Variants in UPF2 observed in about 807,000 individuals in gnomAD.
UPF2 encodes UPF2 regulator of nonsense mediated mRNA decay.
Under a neutral mutation model 141.4 loss-of-function variants are expected in UPF2, and 17 were observed. The observed-to-expected ratio is 0.12, with a 90% confidence interval of 0.08 to 0.18. The LOEUF (loss-of-function observed/expected upper bound fraction) is 0.18. UPF2 is among the 10% of genes least tolerant of loss of function. The pLI is 1.00. For missense variants in UPF2, 1,152 were observed against 1,515.9 expected, an observed-to-expected ratio of 0.76 and a Z score of 3.99; for synonymous variants, 540 against 498.0, an observed-to-expected ratio of 1.08 and a Z score of -1.12.
chr10:12,026,446 A>C (rs72777744), intron 3 of UPF2, among the ~76,000 whole-genome samples: 13,397 of 152,220 alleles, frequency 0.088, 778 homozygotes, highest in South Asian at 0.13. Flanking sequence ...GGAGGTATTT[A>C]ACATGGAGAC....
At chr10:11,952,950 T>C (rs1833096987) in intron 14 of UPF2, among the ~76,000 whole-genome samples, 1 of 152,236 alleles carries the variant, frequency 6.6e-6, no homozygotes, top group Non-Finnish European at 1.5e-5. Context: ...ATTTTCTCTG[T>C]GCTACTTGCT....
chr10:12,014,312 C>G lies in UPF2; in HGVS notation c.1146-128G>C, dbSNP rs1490747710. The stretch of plus-strand genomic sequence containing the variant: ...TAGTAAAATCTTCATTTTTATTTAA[C>G]ATTTGAATCTAGTATTTTCAAAATG... On this transcript the variant is annotated intron_variant, in intron 3 of 21. Transcript: ENST00000357604. This position sits in a 1 kb window ranked among gnomAD's most constrained non-coding sequence, Gnocchi z 5.0. 6.5e-6 allele frequency: 6 copies of G among 919,070 alleles called. No homozygotes were observed. Among genetic ancestry groups the G allele is most frequent in the Non-Finnish European group, 5.7e-6 (4 of 697,042 alleles). 56.9% of individuals were successfully genotyped at this position (919,070 alleles called of 1,614,324 possible).
chr10:11,978,170 G>C (rs1441100660), intron 9 of UPF2, among the ~76,000 whole-genome samples: 2 of 152,204 alleles, frequency 1.3e-5, no homozygotes, highest in Non-Finnish European at 2.9e-5. Flanking sequence ...CCTCAGAATT[G>C]TGTCTGTTCT....
intron 8 of UPF2, among the ~76,000 whole-genome samples, chr10:11,989,475 T>C (rs1266184777): frequency 6.6e-6 from 1 of 152,170 alleles, no homozygotes; most frequent in African/African-American, 2.4e-5. Flanking sequence ...TGAATAGAAA[T>C]GTAAAGAGTA....
In UPF2 at chr10:12,016,343, TG is replaced by T. The variant is rs1463674532; in HGVS notation, c.1146-2160del. On this transcript the variant is annotated intron_variant, in intron 3 of 21. Coordinates refer to ENST00000357604, the MANE Select transcript of UPF2 (RefSeq NM_015542.4). This position sits in a 1 kb window ranked among gnomAD's most constrained non-coding sequence, Gnocchi z 4.1. ...ACTCCCAAAATGTTGGGATTACAGGTGTGAGCCACCACACTCGGCCAAAATT... is the reference window on the plus strand; with the variant it reads ...ACTCCCAAAATGTTGGGATTACAGGTTGAGCCACCACACTCGGCCAAAATT... 6.6e-6 allele frequency among the ~76,000 whole-genome samples: 1 copy of T among 152,050 alleles called. No homozygotes were observed. The highest frequency in any genetic ancestry group is 1.5e-5 in the Non-Finnish European group (1 of 68,000).
rs140320329 is a variant in UPF2, at chr10:12,038,773, T to G, written c.-18-3332A>C. ...ACAACAACAACAAAAGAAAAAGCAT[T>G]TCTATGCCAAGACAACATTAGCATT... On this transcript the variant is annotated intron_variant, in intron 1 of 21. Transcript: ENST00000357604. Among the ~76,000 whole-genome samples the G allele has an allele frequency of 3.8e-3, 579 of 152,014 alleles. 5 individuals are homozygous for G. The highest frequency in any genetic ancestry group is 0.013 in the African/African-American group (537 of 41,486).
At chr10:11,985,923 C>T (rs1279116115) in intron 8 of UPF2, among the ~76,000 whole-genome samples, 1 of 96,392 alleles carries the variant, frequency 1.0e-5, no homozygotes, top group Non-Finnish European at 1.8e-5. Context: ...CTCGCTGTGT[C>T]GCCCAGGCTG....
chr10:11,947,762 T>C (rs1183199344), intron 16 of UPF2, among the ~76,000 whole-genome samples: 1 of 127,818 alleles, frequency 7.8e-6, no homozygotes, highest in African/African-American at 3.0e-5. Flanking sequence ...ACTCCAGCCT[T>C]GGCAACAGAG....
At chr10:12,036,052 CT>C (rs1314432716) in intron 1 of UPF2, among the ~76,000 whole-genome samples, 1 of 152,202 alleles carries the variant, frequency 6.6e-6, no homozygotes, top group African/African-American at 2.4e-5. Flanking sequence ...AGACTTTTAA[CT>C]TCTTCATCTG....
At chr10:11,989,704 G>C (rs1449520111) in intron 8 of UPF2, among the ~76,000 whole-genome samples, 2 of 152,190 alleles carry the variant, frequency 1.3e-5, no homozygotes, top group Admixed American at 6.5e-5. Flanking sequence ...AAATGCTCTT[G>C]TTGTCCTAGA....
intron 12 of UPF2, among the ~76,000 whole-genome samples, chr10:11,958,419 T>C (rs569406804): frequency 1.6e-4 from 25 of 152,322 alleles, no homozygotes; most frequent in African/African-American, 5.1e-4. Context: ...ACGAAGCTGG[T>C]ATGAGAACTC....
At chr10:11,942,586 G>T in intron 18 of UPF2, 79 bp downstream of exon 18, 6 of 1,271,046 alleles carry the variant, frequency 4.7e-6, no homozygotes, top group African/African-American at 1.5e-5. Flanking sequence ...GATAGGAGAG[G>T]CCTTCACATG....
At chr10:12,011,415 T>C (rs1186174061) in intron 4 of UPF2, among the ~76,000 whole-genome samples, 9 of 151,636 alleles carry the variant, frequency 5.9e-5, no homozygotes, top group Admixed American at 5.9e-4. Flanking sequence ...CTGACCAACA[T>C]GGTGAAACCC....
At chr10:11,932,050 G>A (rs1453781287) in intron 19 of UPF2, among the ~76,000 whole-genome samples, 2 of 152,082 alleles carry the variant, frequency 1.3e-5, no homozygotes, top group African/African-American at 4.8e-5. Context: ...CCGGGAGGCT[G>A]AGGCAGGAGA....
intron 4 of UPF2, among the ~76,000 whole-genome samples, chr10:12,006,452 AAGTT>A (rs1243238699): frequency 1.3e-5 from 2 of 152,212 alleles, no homozygotes; most frequent in Admixed American, 1.3e-4. Context: ...AATTAACCGT[AAGTT>A]AGATTATTCA....
Position 11,938,908 on chromosome 10 carries a change from C to G in UPF2, c.3379-2196G>C, listed in dbSNP as rs562053367. ...GGAGACGGAGTCTCACTCTGTCCCC[C>G]CCATGCAGAGAGACTGTGCAGTGGC... On this transcript the variant is annotated intron_variant, in intron 18 of 21. Coordinates refer to ENST00000357604, the MANE Select transcript of UPF2 (RefSeq NM_015542.4). 7.0e-5 allele frequency among the ~76,000 whole-genome samples: 9 copies of G among 129,420 alleles called. No individual in the cohort carries two copies. The East Asian group carries it at 7.3e-4, about 11-fold the overall frequency. 84.9% of individuals were successfully genotyped at this position (129,420 alleles called of 152,430 possible).
chr10:11,948,571 A>T, intron 15 of UPF2, 63 bp from the exon 16 acceptor site: 2 of 1,539,434 alleles, frequency 1.3e-6, no homozygotes, highest in Non-Finnish European at 8.8e-7. Context: ...AGTTTTCTAC[A>T]CTATACCAAT....
At chr10:12,012,227 T>C (rs1000196683) in intron 4 of UPF2, among the ~76,000 whole-genome samples, 13 of 142,400 alleles carry the variant, frequency 9.1e-5, no homozygotes, top group Non-Finnish European at 1.1e-4. Flanking sequence ...CATGCCCAGC[T>C]AGCTTTTGTA....
intron 8 of UPF2, among the ~76,000 whole-genome samples, chr10:11,996,877 G>A (rs943314794): frequency 2.6e-5 from 4 of 152,166 alleles, no homozygotes; most frequent in African/African-American, 9.6e-5. Flanking sequence ...ATCAATGAAT[G>A]AACCACATTA....
Sources: gnomAD v4.1 joint callset for allele counts (sites outside exome capture counted in the v4.1 genomes callset) on GRCh38, gnomAD v4.1.1 for gene constraint, Gnocchi (gnomAD v3.1) non-coding constraint, MANE v1.5 for transcripts, NCBI Gene and HGNC (gene_info 2026-07-23, HGNC 2026-07-21) for gene names.